Variants in CCDC77 observed in about 807,000 individuals in gnomAD.
CCDC77 encodes the protein coiled-coil domain-containing protein 77.
Under a neutral mutation model 66.8 loss-of-function variants are expected in CCDC77, and 56 were observed. The observed-to-expected ratio is 0.84, with a 90% confidence interval of 0.68 to 1.05. The LOEUF is 1.05. CCDC77 is among the 50% of genes least tolerant of loss of function. CCDC77 has a pLI of 0.00. For missense variants in CCDC77, 570 were observed against 576.8 expected (o/e 0.99, Z 0.12); for synonymous variants, 196 against 195.2 (o/e 1.00, Z -0.03).
At chr12:399,056 C>T (rs980802172), upstream of CCDC77, among the ~76,000 whole-genome samples, 1 of 152,074 alleles carries the variant, frequency 6.6e-6, no homozygotes, top group African/African-American at 2.4e-5. Flanking sequence ...CAAGCCAAGT[C>T]ACAAATGATC....
At position 418,542 on chromosome 12, in the gene CCDC77, T is replaced by C. The variant is rs753290038; in HGVS notation, c.319T>C (p.Leu107=). The C allele has an allele frequency of 1.5e-5, 25 of 1,613,876 alleles. No homozygotes were observed. The highest frequency in any genetic ancestry group is 4.0e-5 in the African/African-American group (3 of 75,028). ...LQQREEEIAE[L]QKALSDMQVC... ...GCAGAGGGAGGAAGAGATTGCTGAA[T>C]TGCAGAAAGCTCTAAGTGATATGCA... is the stretch of plus-strand genomic sequence containing the variant. The change falls in exon 5 of 13, where the codon TTG becomes CTG. Residue 107 remains leucine, a synonymous_variant. Transcript: ENST00000239830.
chr12:440,530 T>TTTTC (rs1370995610), intron 10 of CCDC77, 87 bp from the exon 11 acceptor site: 1 of 1,473,780 alleles, frequency 6.8e-7, no homozygotes, highest in African/African-American at 1.4e-5. Context: ...AAATCCCTTC[T>TTTTC]TTTCTTTCTT....
rs1470327503 is a variant in CCDC77, at chr12:435,025, G to A, written c.821+1703G>A. 8.2e-5 allele frequency among the ~76,000 whole-genome samples: 12 copies of A among 146,948 alleles called. 1 individual carries two copies. Among genetic ancestry groups the A allele is most frequent in the African/African-American group, 2.6e-5 (1 of 39,164 alleles). ...TCCGTTTCCAAATGCTCCCATCCCCGTCTCAAGCCTACTTCTTTCTGTGTT... is the reference window on the plus strand; with the variant it reads ...TCCGTTTCCAAATGCTCCCATCCCCATCTCAAGCCTACTTCTTTCTGTGTT... On this transcript the variant is annotated intron_variant, in intron 9 of 12. Coordinates refer to ENST00000239830, the MANE Select transcript of CCDC77 (RefSeq NM_032358.4).
chr12:434,004 G>A (rs1024951110), intron 9 of CCDC77, among the ~76,000 whole-genome samples: 4 of 151,962 alleles, frequency 2.6e-5, no homozygotes, highest in Non-Finnish European at 5.9e-5. Flanking sequence ...CATACTGTAC[G>A]ATCTCAAGCC....
chr12:405,825 A>G (rs1242949297), intron 2 of CCDC77, among the ~76,000 whole-genome samples: 1 of 152,186 alleles, frequency 6.6e-6, no homozygotes, highest in Admixed American at 6.6e-5. Context: ...AGCAGTGAAC[A>G]TAATAGATAA....
chr12:394,745 T>G (rs1417270413), intron 1 of CCDC77, among the ~76,000 whole-genome samples: 5 of 152,222 alleles, frequency 3.3e-5, no homozygotes, highest in African/African-American at 1.2e-4. Flanking sequence ...TAATGAATGA[T>G]GATGCATTAA....
chr12:407,915 G>A (rs1459110504), intron 2 of CCDC77, among the ~76,000 whole-genome samples: 1 of 150,706 alleles, frequency 6.6e-6, no homozygotes, highest in Non-Finnish European at 1.5e-5. Flanking sequence ...AGCCTCCCGA[G>A]TAGCTGGGAC....
At chr12:416,185 C>A (rs1945252640) in intron 4 of CCDC77, among the ~76,000 whole-genome samples, 1 of 150,956 alleles carries the variant, frequency 6.6e-6, no homozygotes, top group Admixed American at 6.7e-5. Context: ...AAGCCATCCT[C>A]CCACTTTAAC....
intron 9 of CCDC77, among the ~76,000 whole-genome samples, chr12:436,385 A>G (rs956938913): frequency 1.3e-5 from 2 of 151,574 alleles, no homozygotes; most frequent in South Asian, 2.1e-4. Context: ...CGGCCTCCCA[A>G]AGTGCTGGGA....
chr12:416,363 G>A (rs1203009504), intron 4 of CCDC77, among the ~76,000 whole-genome samples: 1,462 of 44,018 alleles, frequency 0.033, 137 homozygotes, highest in South Asian at 0.14. Flanking sequence ...GTGTGTGTGT[G>A]TGTGTGTGTG....
chr12:430,791 A>C, intron 7 of CCDC77, 55 bp downstream of exon 7: 1 of 1,434,656 alleles, frequency 7.0e-7, no homozygotes, highest in South Asian at 1.1e-5. Context: ...TGAAAATCAC[A>C]GTGCAGGCTG....
Position 409,435 on chromosome 12 carries a change from T to C in CCDC77, c.38+14T>C. The C allele has an allele frequency of 6.2e-7, 1 of 1,612,370 alleles. No individual in the cohort carries two copies. The highest frequency in any genetic ancestry group is 8.5e-7 in the Non-Finnish European group (1 of 1,178,968). On this transcript the variant is annotated intron_variant, in intron 3 of 12. Coordinates refer to ENST00000239830, the MANE Select transcript of CCDC77 (RefSeq NM_032358.4). Reference sequence around the variant, plus strand: ...TGTCTGCAGAAAGTAAGACATTTGCTTATTTTCAAGTTGTTAAGAAATCGA... The same window carrying C: ...TGTCTGCAGAAAGTAAGACATTTGCCTATTTTCAAGTTGTTAAGAAATCGA...
chr12:437,102 ATTTG>A (rs1489482844), intron 9 of CCDC77, among the ~76,000 whole-genome samples: 2 of 152,044 alleles, frequency 1.3e-5, no homozygotes, highest in African/African-American at 4.8e-5. Flanking sequence ...ATCTCACATT[ATTTG>A]TTTGGTAGAA....
At chr12:392,127 G>A (rs1944764189) in intron 1 of CCDC77, among the ~76,000 whole-genome samples, 1 of 151,944 alleles carries the variant, frequency 6.6e-6, no homozygotes, top group South Asian at 2.1e-4. Context: ...TAGTTTAAAA[G>A]GATCATTTGC....
intron 7 of CCDC77, among the ~76,000 whole-genome samples, chr12:431,141 A>G (rs1392126156): frequency 1.3e-5 from 2 of 150,658 alleles, no homozygotes; most frequent in African/African-American, 4.9e-5. Flanking sequence ...GATGTTCATA[A>G]TGATGCCTTT....
intron 6 of CCDC77, 122 bp downstream of exon 6, chr12:428,987 C>T: frequency 1.7e-6 from 1 of 571,640 alleles, no homozygotes; most frequent in Admixed American, 3.0e-5. Flanking sequence ...ATCACAGTGC[C>T]TTGTTTGCCT....
intron 5 of CCDC77, among the ~76,000 whole-genome samples, chr12:422,388 A>G (rs1277915082): frequency 2.6e-5 from 4 of 152,226 alleles, no homozygotes; most frequent in Non-Finnish European, 2.9e-5. Context: ...ACATTTTCAT[A>G]TTCCTAAACT....
rs538307423 is a variant in CCDC77, at chr12:412,819, C to T, written c.270+841C>T. Among the ~76,000 whole-genome samples, 78 of 152,272 alleles carry T rather than the reference C, an allele frequency of 5.1e-4. 1 individual carries two copies. The South Asian group carries it at 0.015, about 30-fold the overall frequency. Reference sequence around the variant, plus strand: ...TCTCCTTCCACATCTGTGCCATACCCTCACCTCTAGCCTGCAACCCCTTCT... The same window carrying T: ...TCTCCTTCCACATCTGTGCCATACCTTCACCTCTAGCCTGCAACCCCTTCT... On this transcript the variant is annotated intron_variant, in intron 4 of 12. Transcript: ENST00000239830.
At chr12:427,293 T>A (rs114919374) in intron 5 of CCDC77, among the ~76,000 whole-genome samples, 2,789 of 151,548 alleles carry the variant, frequency 0.018, 77 homozygotes, top group African/African-American at 0.06. Context: ...AGTCAGAGAT[T>A]GTGATTTTGT....
Sources: allele counts gnomAD v4.1 joint callset (sites outside exome capture counted in the v4.1 genomes callset), GRCh38; gene constraint gnomAD v4.1.1; transcripts MANE v1.5; gene names NCBI Gene and HGNC (gene_info 2026-07-23, HGNC 2026-07-21).